Variants in RSL1D1 observed in about 807,000 individuals in gnomAD.
RSL1D1 encodes ribosomal L1 domain containing 1, also known as ribosomal L1 domain-containing protein 1.
Under a neutral mutation model 44.6 loss-of-function variants are expected in RSL1D1, and 34 were observed. The ratio of observed to expected loss-of-function variants is 0.76; its 90% CI spans 0.58 to 1.02. The LOEUF (loss-of-function observed/expected upper bound fraction) is 1.02. Ranked by LOEUF, RSL1D1 falls within the 50% of genes least tolerant of loss-of-function variation. The probability of loss-of-function intolerance (pLI) is 0.00; values close to 1 mark genes in which losing one functional copy is unlikely to be tolerated. For synonymous variants in RSL1D1, 271 were observed against 207.4 expected, an observed-to-expected ratio of 1.31 and a Z score of -2.63; for missense variants, 767 against 568.1, an observed-to-expected ratio of 1.35 and a Z score of -3.56.
chr16:11,843,404 T>C (rs2053776537), intron 5 of RSL1D1, among the ~76,000 whole-genome samples: 1 of 151,908 alleles, frequency 6.6e-6, no homozygotes, highest in Non-Finnish European at 1.5e-5. Context: ...AGCACCTGAC[T>C]GTGAGGTTAG....
rs776469752 is a variant in RSL1D1, at chr16:11,851,474, G to C, written c.39C>G (p.Ala13=). ...GAGTCGAGGTGGAGGTTCCAGTAGC[G>C]GCTGCAGAAGACAGCGAGGCCGAGG... is the stretch of plus-strand genomic sequence containing the variant. The part of the protein sequence containing the change: ...DSASASLSSA[A]ATGTSTSTPA... Residue 13 remains alanine (A), a synonymous_variant, in exon 1 of 9, where the codon GCC becomes GCG. Coordinates refer to ENST00000571133, the MANE Select transcript of RSL1D1 (RefSeq NM_015659.3). 8.1e-6 allele frequency: 13 copies of C among 1,613,950 alleles called. No homozygotes were observed. The highest frequency in any genetic ancestry group is 1.1e-5 in the South Asian group (1 of 91,090).
At chr16:11,849,611 T>G (rs1048016047) in intron 2 of RSL1D1, among the ~76,000 whole-genome samples, 1 of 152,218 alleles carries the variant, frequency 6.6e-6, no homozygotes, top group African/African-American at 2.4e-5. Flanking sequence ...TAATAGTCTC[T>G]GTACAAAGGA....
Position 11,836,238 on chromosome 16 carries a change from C to G in RSL1D1, c.*1549G>C, listed in dbSNP as rs1255127156. 1 of 152,182 alleles carries G rather than the reference C, an allele frequency of 6.6e-6. No homozygotes were observed. Among genetic ancestry groups the G allele is most frequent in the Admixed American group, 6.6e-5 (1 of 15,258 alleles). 9.4% of individuals were successfully genotyped at this position (152,182 alleles called of 1,614,324 possible). The stretch of plus-strand genomic sequence containing the variant: ...CCACCATCCCGATGGTCTGCTGGTC[C>G]TACTTCTCTCTCAAACTGTCTTTTT... On this transcript the variant is annotated 3_prime_UTR_variant, in exon 9 of 9. Transcript: ENST00000571133.
rs1422601665 is a variant in RSL1D1 at position 11,834,320 on chromosome 16, TTATTA to T, written c.*3462_*3466del. ...AGTACTCATTACATGTGTCAACACT[TTATTA>T]TAAGATAGGTTTTATGTTAGATGAT... is the stretch of plus-strand genomic sequence containing the variant. On this transcript the variant is annotated 3_prime_UTR_variant, in exon 9 of 9. Transcript: ENST00000571133. 3 of 152,214 alleles carry T rather than the reference TTATTA, an allele frequency of 2.0e-5. No individual in the cohort carries two copies. Among genetic ancestry groups the T allele is most frequent in the South Asian group, 2.1e-4 (1 of 4,830 alleles). 9.4% of individuals were successfully genotyped at this position (152,214 alleles called of 1,614,324 possible).
chr16:11,843,449 C>T (rs2053776866), intron 5 of RSL1D1, among the ~76,000 whole-genome samples: 1 of 152,068 alleles, frequency 6.6e-6, no homozygotes, highest in Non-Finnish European at 1.5e-5. Flanking sequence ...GAGGTTCTAC[C>T]TTTATCTTAG....
chr16:11,841,082 T>C (rs1460808098), intron 7 of RSL1D1, among the ~76,000 whole-genome samples: 2 of 152,176 alleles, frequency 1.3e-5, no homozygotes, highest in Non-Finnish European at 2.9e-5. Context: ...ACCGGAAATA[T>C]GTGGTAGGAA....
chr16:11,847,873 C>A, intron 2 of RSL1D1, 67 bp from the exon 3 acceptor site: 2 of 1,464,288 alleles, frequency 1.4e-6, no homozygotes, highest in South Asian at 1.2e-5. Flanking sequence ...TTGTATCACA[C>A]AGAATACGCG....
intron 1 of RSL1D1, 191 bp downstream of exon 1, chr16:11,851,217 C>A: frequency 3.1e-6 from 2 of 647,502 alleles, no homozygotes; most frequent in Non-Finnish European, 5.6e-6. Flanking sequence ...AGCGCCAGGC[C>A]GCAGGACCAG....
chr16:11,840,223 G>C (rs933980212), intron 7 of RSL1D1, among the ~76,000 whole-genome samples: 15 of 152,184 alleles, frequency 9.9e-5, no homozygotes, highest in African/African-American at 3.6e-4. Flanking sequence ...ACTATCTAAA[G>C]TATACAGTTA....
In RSL1D1 at chr16:11,836,636, A is replaced by G. The variant is rs1469192484; in HGVS notation, c.*1151T>C. 6.6e-6 allele frequency: 1 copy of G among 152,216 alleles called. No individual in the cohort carries two copies. The highest frequency in any genetic ancestry group is 2.4e-5 in the African/African-American group (1 of 41,454). 9.4% of individuals were successfully genotyped at this position (152,216 alleles called of 1,614,324 possible). A position where few individuals can be genotyped will look rare whatever the true frequency, so the allele number is the denominator to read the frequency against. On this transcript the variant is annotated 3_prime_UTR_variant, in exon 9 of 9. Coordinates refer to ENST00000571133, the MANE Select transcript of RSL1D1 (RefSeq NM_015659.3). The stretch of plus-strand genomic sequence containing the variant: ...AGAGGATAAGGCTTATGGAAGATAA[A>G]TCATGTTCTTGCCTCCGGTAGGTAG...
chr16:11,845,006 G>A (rs924763250), intron 5 of RSL1D1, among the ~76,000 whole-genome samples: 7 of 152,138 alleles, frequency 4.6e-5, no homozygotes, highest in East Asian at 3.9e-4. Context: ...TGGGGGCTCC[G>A]CCTAGCTCAG....
In RSL1D1 at chr16:11,839,787, T is replaced by C. The variant is rs1330916491; in HGVS notation, c.1054A>G (p.Lys352Glu). ...EHGKKKRGRG[K>E]AQVKATNESE... ...TCATTTGTTGCTTTAACTTGGGCTT[T>C]TCCTCTGCCACGTTTTTTCTTCCCA... Residue 352 changes from lysine to glutamate, a missense_variant, in exon 8 of 9, where the codon AAA becomes GAA. Transcript: ENST00000571133. 6 of 1,614,086 alleles carry C rather than the reference T, an allele frequency of 3.7e-6. No homozygotes were observed. The South Asian group carries it at 6.6e-5, about 18-fold the overall frequency.
intron 5 of RSL1D1, among the ~76,000 whole-genome samples, chr16:11,843,536 A>C (rs1171895191): frequency 6.6e-6 from 1 of 151,716 alleles, no homozygotes; most frequent in Non-Finnish European, 1.5e-5. Flanking sequence ...TGCTCTCTCT[A>C]TAGTTCTACT....
intron 2 of RSL1D1, among the ~76,000 whole-genome samples, chr16:11,848,643 G>A (rs1486873746): frequency 6.6e-6 from 1 of 152,160 alleles, no homozygotes; most frequent in Non-Finnish European, 1.5e-5. Context: ...CGTACCAGTT[G>A]GGTGTAGGCC....
intron 1 of RSL1D1, 108 bp from the exon 2 acceptor site, chr16:11,850,526 T>C: frequency 1.8e-6 from 2 of 1,131,190 alleles, no homozygotes; most frequent in Admixed American, 3.0e-5. Flanking sequence ...CCACACCTTC[T>C]ATTTTTTCCC....
At chr16:11,849,018 G>A (rs1016221992) in intron 2 of RSL1D1, among the ~76,000 whole-genome samples, 2 of 151,942 alleles carry the variant, frequency 1.3e-5, no homozygotes, top group South Asian at 4.1e-4. Context: ...GGCCTCAAAT[G>A]ATCCACCCAC....
chr16:11,846,471 A>C, intron 5 of RSL1D1, 30 bp downstream of exon 5: 1 of 1,062,142 alleles, frequency 9.4e-7, no homozygotes. Flanking sequence ...ACAAGATTAA[A>C]AGAGGCACAC....
chr16:11,849,471 G>C (rs1194435862), intron 2 of RSL1D1: 1 of 151,242 alleles, frequency 6.6e-6, no homozygotes, highest in Non-Finnish European at 1.5e-5. Flanking sequence ...ACACAATTAT[G>C]CCACATCTTA....
intron 7 of RSL1D1, 123 bp from the exon 8 acceptor site, chr16:11,840,108 G>C: frequency 7.0e-7 from 1 of 1,430,562 alleles, no homozygotes; most frequent in Non-Finnish European, 9.3e-7. Context: ...GATCTATACA[G>C]AGAACAAACT....
Sources: allele counts gnomAD v4.1 joint callset (sites outside exome capture counted in the v4.1 genomes callset), GRCh38; gene constraint gnomAD v4.1.1; transcripts MANE v1.5; gene names NCBI Gene and HGNC (gene_info 2026-07-23, HGNC 2026-07-21).